PLG: variants seen among roughly 807,000 people sequenced by gnomAD.
PLG encodes the protein plasminogen.
Under a neutral mutation model 104.4 loss-of-function variants are expected in PLG, and 41 were observed. That is an observed-to-expected ratio of 0.39 (90% CI 0.31 to 0.51). The LOEUF (loss-of-function observed/expected upper bound fraction) is 0.51, where lower values mean the gene tolerates loss of function less well. Ranked by LOEUF, PLG falls within the 20% of genes least tolerant of loss-of-function variation. The probability of loss-of-function intolerance (pLI) is 0.76; values close to 1 mark genes in which losing one functional copy is unlikely to be tolerated. For missense variants in PLG, 891 were observed against 1,003.6 expected, an observed-to-expected ratio of 0.89 and a Z score of 1.52; for synonymous variants, 337 against 357.1, an observed-to-expected ratio of 0.94 and a Z score of 0.63.
intron 17 of PLG, among the ~76,000 whole-genome samples, chr6:160,746,112 G>A (rs139601900): frequency 2.0e-3 from 298 of 152,228 alleles, no homozygotes; most frequent in African/African-American, 6.5e-3. Context: ...TCTTGAGGAT[G>A]ATCTTCTTGT....
At position 160,705,940 on chromosome 6, in the gene PLG, G is replaced by T. The variant is rs893024498; in HGVS notation, c.50-467G>T. 7 of 195,392 alleles carry T rather than the reference G, an allele frequency of 3.6e-5. No homozygotes were observed. The Admixed American group carries it at 3.8e-4, about 11-fold the overall frequency. 12.1% of individuals were successfully genotyped at this position (195,392 alleles called of 1,614,324 possible). A position where few individuals can be genotyped will look rare whatever the true frequency, so the allele number is the denominator to read the frequency against. ...ATGGTAACATAGTAGTGGTTCCATAGTTCTAACCTGTTTGTCAATCCAGTT... is the reference window on the plus strand; with the variant it reads ...ATGGTAACATAGTAGTGGTTCCATATTTCTAACCTGTTTGTCAATCCAGTT... On this transcript the variant is annotated intron_variant, in intron 1 of 18. Transcript: ENST00000308192.
chr6:160,721,589 A>G (rs1172954653), intron 9 of PLG, among the ~76,000 whole-genome samples: 1 of 152,218 alleles, frequency 6.6e-6, no homozygotes, highest in African/African-American at 2.4e-5. Flanking sequence ...GCATGCCTGC[A>G]CTACAGAGGA....
chr6:160,742,424 CAT>C (rs1216614307), intron 17 of PLG, among the ~76,000 whole-genome samples: 25 of 151,998 alleles, frequency 1.6e-4, no homozygotes, highest in Admixed American at 6.5e-4. Flanking sequence ...AGCTTTTTTT[CAT>C]ATGTTTGTTG....
At position 160,745,734 on chromosome 6, in the gene PLG, T is replaced by C. The variant is rs1269419841; in HGVS notation, c.2125+4317T>C. Among the ~76,000 whole-genome samples the C allele has an allele frequency of 3.3e-5, 5 of 152,206 alleles. No individual in the cohort carries two copies. In the East Asian group the frequency reaches 9.6e-4, roughly 29 times the overall value. ...TTTGTGTGATGGTTTTATAGTGTCA[T>C]TGGTCTGCGTATTTAAGTATATTTT... On this transcript the variant is annotated intron_variant, in intron 17 of 18. Coordinates refer to ENST00000308192, the MANE Select transcript of PLG (RefSeq NM_000301.5).
rs1361692072 is a variant in PLG, at chr6:160,713,101, T to C, written c.523T>C (p.Tyr175His). The C allele has an allele frequency of 1.9e-6, 3 of 1,609,884 alleles. No individual in the cohort carries two copies. The African/African-American group carries it at 4.0e-5, about 22-fold the overall frequency. Residue 175 changes from tyrosine (Y) to histidine (H), a missense_variant, in exon 5 of 19, where the codon TAC becomes CAC. By Grantham distance (83) the Tyr-to-His change is moderately conservative (BLOSUM62 2). Coordinates refer to ENST00000308192, the MANE Select transcript of PLG (RefSeq NM_000301.5). Reference protein sequence around the residue: ...YTTDPEKRYDYCDILECEEEC... With the variant: ...YTTDPEKRYDHCDILECEEEC... ...TACTGATCCAGAAAAGAGATATGAC[T>C]ACTGCGACATTCTTGAGTGTGAAGG...
At chr6:160,703,611 G>C (rs1267742701) in intron 1 of PLG, among the ~76,000 whole-genome samples, 3 of 152,186 alleles carry the variant, frequency 2.0e-5, no homozygotes, top group Non-Finnish European at 2.9e-5. Context: ...TTGCACTTTA[G>C]AGTCAAATAC....
chr6:160,718,103 T>A (rs1777771043), intron 7 of PLG, among the ~76,000 whole-genome samples, 191 bp from the exon 8 acceptor site: 2 of 152,074 alleles, frequency 1.3e-5, no homozygotes, highest in South Asian at 2.1e-4. Context: ...TACAAAAAAA[T>A]TAGCCAGTTG....
chr6:160,711,594 C>CT, intron 4 of PLG: 1 of 1,609,878 alleles, frequency 6.2e-7, no homozygotes, highest in East Asian at 2.2e-5. Context: ...TAGAAAGAAT[C>CT]TTTTTGATGT....
At position 160,731,491 on chromosome 6, in the gene PLG, A is replaced by G. The variant is rs576605774; in HGVS notation, c.1439-254A>G. 7.9e-4 allele frequency among the ~76,000 whole-genome samples: 120 copies of G among 152,298 alleles called. No individual in the cohort carries two copies. Among genetic ancestry groups the G allele is most frequent in the African/African-American group, 2.7e-3 (111 of 41,556 alleles). On this transcript the variant is annotated intron_variant, in intron 11 of 18. Transcript: ENST00000308192. This position sits in a 1 kb window ranked among gnomAD's most constrained non-coding sequence, Gnocchi z 5.1. ...ACTTAACCACTCACCTTGTTCTAAA[A>G]TGGGTTATCTCAGTATCCCAGTCCA...
At chr6:160,722,764 C>T (rs1014945935) in intron 10 of PLG, among the ~76,000 whole-genome samples, 197 bp downstream of exon 10, 1 of 152,098 alleles carries the variant, frequency 6.6e-6, no homozygotes, top group Non-Finnish European at 1.5e-5. Flanking sequence ...GCTATTTTTC[C>T]TGAGTAGTTT....
chr6:160,722,300 G>T, intron 9 of PLG, 108 bp from the exon 10 acceptor site: 1 of 744,190 alleles, frequency 1.3e-6, no homozygotes, highest in South Asian at 1.5e-5. Flanking sequence ...ACAGAAAAGA[G>T]AACAGTCATA....
At position 160,731,335 on chromosome 6, in the gene PLG, A is replaced by G; in HGVS notation, c.1438+103A>G. ...ACCTTCCATGCTACACGAGAAATCA[A>G]GTGTTTTTAGAGGGTCTGCCATGTG... On this transcript the variant is annotated intron_variant, in intron 11 of 18. Transcript: ENST00000308192. This position sits in a 1 kb window ranked among gnomAD's most constrained non-coding sequence, Gnocchi z 5.1. The G allele has an allele frequency of 9.3e-7, 1 of 1,075,078 alleles. No individual in the cohort carries two copies. The highest frequency in any genetic ancestry group is 1.4e-6 in the Non-Finnish European group (1 of 706,014). 66.6% of individuals were successfully genotyped at this position (1,075,078 alleles called of 1,614,324 possible).
In PLG at chr6:160,734,163, G is replaced by C. The variant is rs992110939; in HGVS notation, c.1681+75G>C. On this transcript the variant is annotated intron_variant, in intron 13 of 18. Coordinates refer to ENST00000308192, the MANE Select transcript of PLG (RefSeq NM_000301.5). The surrounding 1 kb of genome is among the most constrained non-coding windows in gnomAD (Gnocchi z 4.4). ...GCAACAAAAAAGGAAAAGGGCTTCTGAGCAGACTGCTTCTGGGGAGGAGAT... is the reference window on the plus strand; with the variant it reads ...GCAACAAAAAAGGAAAAGGGCTTCTCAGCAGACTGCTTCTGGGGAGGAGAT... 4.4e-5 allele frequency: 36 copies of C among 817,490 alleles called. No homozygotes were observed. The highest frequency in any genetic ancestry group is 6.0e-5 in the Non-Finnish European group (28 of 469,974). 50.6% of individuals were successfully genotyped at this position (817,490 alleles called of 1,614,324 possible).
rs534765672 is a variant in PLG at position 160,754,067 on chromosome 6, T to C, written c.*1006T>C. Among the ~76,000 whole-genome samples the C allele has an allele frequency of 4.6e-5, 7 of 152,380 alleles. No homozygotes were observed. The highest frequency in any genetic ancestry group is 1.4e-4 in the African/African-American group (6 of 41,598). On this transcript the variant is annotated 3_prime_UTR_variant, in exon 19 of 19. Coordinates refer to ENST00000308192, the MANE Select transcript of PLG (RefSeq NM_000301.5). The surrounding 1 kb of genome is among the most constrained non-coding windows in gnomAD (Gnocchi z 4.9). ...TCAAATCCTCAAAGAGCTGTGTTTA[T>C]TTCATTGACAAATAGATTATTTGTA... is the stretch of plus-strand genomic sequence containing the variant.
chr6:160,711,454 T>A, intron 4 of PLG: 1 of 932,830 alleles, frequency 1.1e-6, no homozygotes, highest in Non-Finnish European at 1.6e-6. Flanking sequence ...TTTTCTGTCA[T>A]CTTTTTCAAG....
In PLG at chr6:160,735,896, T is replaced by A. The variant is rs1040326677; in HGVS notation, c.1682-991T>A. Among the ~76,000 whole-genome samples, 3 of 151,908 alleles carry A rather than the reference T, an allele frequency of 2.0e-5. No individual in the cohort carries two copies. Among genetic ancestry groups the A allele is most frequent in the Admixed American group, 6.6e-5 (1 of 15,256 alleles). Reference sequence around the variant, plus strand: ...TGCATTCTATGCCTTGCTTCTTTTTTTAAAAAAAGGCTTCCATAGATAGAT... The same window carrying A: ...TGCATTCTATGCCTTGCTTCTTTTTATAAAAAAAGGCTTCCATAGATAGAT... On this transcript the variant is annotated intron_variant, in intron 13 of 18. Coordinates refer to ENST00000308192, the MANE Select transcript of PLG (RefSeq NM_000301.5). The surrounding 1 kb of genome is among the most constrained non-coding windows in gnomAD (Gnocchi z 5.4).
Position 160,726,904 on chromosome 6 carries a change from T to G in PLG, c.1257-4147T>G, listed in dbSNP as rs777199932. Among the ~76,000 whole-genome samples, 6 of 151,736 alleles carry G rather than the reference T, an allele frequency of 4.0e-5. No individual in the cohort carries two copies. The highest frequency in any genetic ancestry group is 8.9e-5 in the Non-Finnish European group (6 of 67,782). The stretch of plus-strand genomic sequence containing the variant: ...AAGGAGAAGCAAATAAGATCCAAGG[T>G]AAGTGGAAGGAAGGAAAGAATGAAA... On this transcript the variant is annotated intron_variant, in intron 10 of 18. Transcript: ENST00000308192. This position sits in a 1 kb window ranked among gnomAD's most constrained non-coding sequence, Gnocchi z 4.4.
At chr6:160,712,076 T>A in intron 4 of PLG, 2 of 259,302 alleles carry the variant, frequency 7.7e-6, no homozygotes, top group South Asian at 1.3e-4. Context: ...GATGAGCAGA[T>A]CAAATATTCC....
intron 12 of PLG, 151 bp from the exon 13 acceptor site, chr6:160,733,844 C>CAA (rs750182802): frequency 0.017 from 6,273 of 358,578 alleles, 9 homozygotes; most frequent in Non-Finnish European, 0.023. Flanking sequence ...AACTCCACCT[C>CAA]AGAAAAAAAA....
Sources: allele counts gnomAD v4.1 joint callset (sites outside exome capture counted in the v4.1 genomes callset), GRCh38; gene constraint gnomAD v4.1.1; non-coding constraint Gnocchi (gnomAD v3.1); transcripts MANE v1.5; gene names NCBI Gene and HGNC (gene_info 2026-07-23, HGNC 2026-07-21).